TAFA1: variants seen among roughly 807,000 people sequenced by gnomAD.
TAFA1 encodes the protein TAFA chemokine like family member 1, also known as chemokine-like protein TAFA-1.
In TAFA1, 4 loss-of-function variants were observed where a neutral mutation model predicts 18.5. The ratio of observed to expected loss-of-function variants is 0.22; its 90% CI spans 0.11 to 0.49. TAFA1 has a LOEUF of 0.49. TAFA1 is among the 20% of genes least tolerant of loss of function. TAFA1 has a pLI of 0.98. For missense variants in TAFA1, 147 were observed against 169.0 expected (o/e 0.87, Z 0.72); for synonymous variants, 56 against 55.2 (o/e 1.01, Z -0.06).
chr3:68,281,784 G>T (rs2067901779), intron 2 of TAFA1, among the ~76,000 whole-genome samples: 1 of 152,076 alleles, frequency 6.6e-6, no homozygotes, highest in African/African-American at 2.4e-5. Context: ...CATTGCGTGG[G>T]ATACTTAAAA....
chr3:68,207,800 C>T (rs1220493881), intron 2 of TAFA1, among the ~76,000 whole-genome samples: 1 of 151,964 alleles, frequency 6.6e-6, no homozygotes, highest in Admixed American at 6.6e-5. Context: ...ATGACCACAA[C>T]TCTAGAAATT....
chr3:68,326,643 C>T (rs1232034177), intron 2 of TAFA1, among the ~76,000 whole-genome samples: 2 of 152,142 alleles, frequency 1.3e-5, no homozygotes, highest in Non-Finnish European at 2.9e-5. Context: ...AGAATACATA[C>T]ATTTTTCACC....
chr3:68,196,386 A>G (rs957873218), intron 2 of TAFA1, among the ~76,000 whole-genome samples: 2 of 151,748 alleles, frequency 1.3e-5, no homozygotes, highest in Admixed American at 6.6e-5. Flanking sequence ...CAATCAATCA[A>G]TCAATCTATC....
intron 3 of TAFA1, among the ~76,000 whole-genome samples, chr3:68,448,337 C>G (rs1020599138): frequency 1.3e-5 from 2 of 152,100 alleles, no homozygotes; most frequent in Admixed American, 6.6e-5. Context: ...ATTTGTGAGA[C>G]AGTAATATGC....
At chr3:68,380,099 A>T (rs1052717420) in intron 2 of TAFA1, among the ~76,000 whole-genome samples, 4 of 152,058 alleles carry the variant, frequency 2.6e-5, no homozygotes, top group East Asian at 1.9e-4. Context: ...ACATGAACTC[A>T]TCCTTTTTTA....
At chr3:68,063,340 G>T (rs576960325) in intron 2 of TAFA1, among the ~76,000 whole-genome samples, 1 of 152,090 alleles carries the variant, frequency 6.6e-6, no homozygotes, top group African/African-American at 2.4e-5. Flanking sequence ...CTTAGAGAAC[G>T]TTTTAAATAC....
chr3:68,380,688 G>C (rs1300951712), intron 2 of TAFA1, among the ~76,000 whole-genome samples: 1 of 151,956 alleles, frequency 6.6e-6, no homozygotes, highest in Admixed American at 6.6e-5. Context: ...CAGATGAGTA[G>C]GCTGCAAAAA....
rs891162671 is a variant in TAFA1, at chr3:68,313,822, C to T, written c.119-103458C>T. ...TTATTCTGATGGCCCTTGCCTCACTCTCAGGCCCTGGAGTTAAAGTCAATT... is the reference window on the plus strand; with the variant it reads ...TTATTCTGATGGCCCTTGCCTCACTTTCAGGCCCTGGAGTTAAAGTCAATT... On this transcript the variant is annotated intron_variant, in intron 2 of 4. Coordinates refer to ENST00000478136, the MANE Select transcript of TAFA1 (RefSeq NM_213609.4). Among the ~76,000 whole-genome samples, 3 of 152,192 alleles carry T rather than the reference C, an allele frequency of 2.0e-5. No homozygotes were observed. In the South Asian group the frequency reaches 6.2e-4, roughly 31 times the overall value.
chr3:68,313,712 A>C (rs1448161945), intron 2 of TAFA1, among the ~76,000 whole-genome samples: 4 of 152,238 alleles, frequency 2.6e-5, no homozygotes, highest in Non-Finnish European at 5.9e-5. Context: ...ACAGAAAATA[A>C]AAGCCCTAAT....
intron 2 of TAFA1, among the ~76,000 whole-genome samples, chr3:68,200,731 C>G (rs993155406): frequency 4.6e-5 from 7 of 151,420 alleles, no homozygotes; most frequent in African/African-American, 1.5e-4. Flanking sequence ...TGTATCCATT[C>G]TCTTTATCTT....
chr3:68,092,755 T>G (rs1203409450), intron 2 of TAFA1, among the ~76,000 whole-genome samples: 1 of 152,112 alleles, frequency 6.6e-6, no homozygotes, highest in East Asian at 1.9e-4. Context: ...CCCACCAGAA[T>G]AGCAATCGCA....
chr3:68,535,533 G>A (rs2073264250), intron 3 of TAFA1, among the ~76,000 whole-genome samples: 1 of 152,070 alleles, frequency 6.6e-6, no homozygotes, highest in Non-Finnish European at 1.5e-5. Context: ...ATGCTTGCTG[G>A]CCATATCCAG....
intron 2 of TAFA1, among the ~76,000 whole-genome samples, chr3:68,383,057 C>T (rs150587169): frequency 8.0e-4 from 122 of 152,166 alleles, no homozygotes; most frequent in Non-Finnish European, 1.6e-3. Flanking sequence ...GATTTTGTAT[C>T]CTGAGACTTA....
At chr3:68,524,955 G>A in intron 3 of TAFA1, among the ~76,000 whole-genome samples, 1 of 152,200 alleles carries the variant, frequency 6.6e-6, no homozygotes, top group East Asian at 1.9e-4. Flanking sequence ...ACAGGCGTGA[G>A]CCAACGCGCC....
intron 2 of TAFA1, among the ~76,000 whole-genome samples, chr3:68,104,677 A>G (rs527562179): frequency 6.6e-6 from 1 of 152,260 alleles, no homozygotes; most frequent in Non-Finnish European, 1.5e-5. Flanking sequence ...ATAAATAAAT[A>G]AAGTTTTATT....
At chr3:68,165,468 A>C (rs1297549560) in intron 2 of TAFA1, among the ~76,000 whole-genome samples, 1 of 152,252 alleles carries the variant, frequency 6.6e-6, no homozygotes, top group Non-Finnish European at 1.5e-5. Flanking sequence ...ATATAGAAGC[A>C]GCTAAAATAA....
intron 3 of TAFA1, among the ~76,000 whole-genome samples, chr3:68,529,379 T>A (rs1290718755): frequency 7.5e-6 from 1 of 134,174 alleles, no homozygotes; most frequent in African/African-American, 2.7e-5. Context: ...CATCTTCCCC[T>A]ACCTACCCTT....
chr3:68,352,630 T>G (rs1340790118), intron 2 of TAFA1, among the ~76,000 whole-genome samples: 2 of 152,104 alleles, frequency 1.3e-5, no homozygotes, highest in Non-Finnish European at 1.5e-5. Context: ...GCTGCCTAGC[T>G]GTCTTTAGCT....
chr3:68,465,103 A>G (rs1418899793), intron 3 of TAFA1, among the ~76,000 whole-genome samples: 1 of 152,148 alleles, frequency 6.6e-6, no homozygotes, highest in Non-Finnish European at 1.5e-5. Context: ...TCTAGATACT[A>G]AAGAAGAAAT....
Sources: gnomAD v4.1 joint callset for allele counts (sites outside exome capture counted in the v4.1 genomes callset) on GRCh38, gnomAD v4.1.1 for gene constraint, MANE v1.5 for transcripts, NCBI Gene and HGNC (gene_info 2026-07-23, HGNC 2026-07-21) for gene names.